TRRAP: variants seen among roughly 807,000 people sequenced by gnomAD.
TRRAP encodes transformation/transcription domain-associated protein.
In TRRAP, 41 loss-of-function variants were observed where a neutral mutation model predicts 438.8. The ratio of observed to expected loss-of-function variants is 0.09; its 90% CI spans 0.07 to 0.12. TRRAP has a LOEUF of 0.12. TRRAP is among the 10% of genes least tolerant of loss of function. TRRAP has a pLI of 1.00. For missense variants in TRRAP, 3,122 were observed against 5,055.1 expected, an observed-to-expected ratio of 0.62 and a Z score of 11.60; for synonymous variants, 1,994 against 1,962.9, an observed-to-expected ratio of 1.02 and a Z score of -0.42.
At chr7:98,909,981 C>A (rs1796991504) in intron 14 of TRRAP, 75 bp from the exon 15 acceptor site, 5 of 1,488,222 alleles carry the variant, frequency 3.4e-6, no homozygotes, top group Non-Finnish European at 4.5e-6. Flanking sequence ...TCTTATTTTA[C>A]TGTGATCTGA....
rs558219914 is a variant in TRRAP at position 98,909,925 on chromosome 7, A to G, written c.1351-131A>G. The stretch of plus-strand genomic sequence containing the variant: ...AAAAACTGCAATTCCTTTGACACCA[A>G]CCTCATAGAAAAGCAGCATGACTTG... On this transcript the variant is annotated intron_variant, in intron 14 of 72. Transcript: ENST00000456197. 2.3e-4 allele frequency: 335 copies of G among 1,433,808 alleles called. 1 individual carries two copies. In the African/African-American group the frequency reaches 4.2e-3, roughly 18 times the overall value. The allele number at this position is 1,433,808 out of a possible 1,614,324, so 88.8% of individuals were successfully genotyped here.
intron 41 of TRRAP, among the ~76,000 whole-genome samples, chr7:98,955,795 T>C (rs782266297): frequency 1.6e-4 from 25 of 152,200 alleles, no homozygotes; most frequent in Admixed American, 8.5e-4. Context: ...GAACTTTGCT[T>C]TTGGGTATGT....
rs1329928185 is a variant in TRRAP, at chr7:99,011,527, A to G, written c.11329A>G (p.Asn3777Asp). Residue 3777 changes from asparagine (N) to aspartate (D), a missense_variant, in exon 72 of 73, where the codon AAC (asparagine) becomes GAC (aspartate). Physicochemically the swap from Asn to Asp is conservative, Grantham distance 23. Coordinates refer to ENST00000456197, the MANE Select transcript of TRRAP (RefSeq NM_001375524.1). The surrounding 1 kb of genome is among the most constrained non-coding windows in gnomAD (Gnocchi z 7.1). Reference protein sequence around the residue: ...IAVARCFAQPNFKVDGILKTV... With the variant: ...IAVARCFAQPDFKVDGILKTV... Reference sequence around the variant, plus strand: ...GGTCGCCCGGTGCTTCGCCCAGCCAAACTTTAAGGTGGGTCTCCACGTCGT... The same window carrying G: ...GGTCGCCCGGTGCTTCGCCCAGCCAGACTTTAAGGTGGGTCTCCACGTCGT... The G allele has an allele frequency of 1.2e-6, 2 of 1,613,664 alleles. No homozygotes were observed. Among genetic ancestry groups the G allele is most frequent in the African/African-American group, 1.3e-5 (1 of 75,006 alleles).
In TRRAP at chr7:98,930,879, G is replaced by A. The variant is rs1790294393; in HGVS notation, c.3591+49G>A. On this transcript the variant is annotated intron_variant, in intron 25 of 72. Transcript: ENST00000456197. ...CTAACCATGCTGTTTTTGAAATGGT[G>A]GTTTCCTGAAGAATACTATAAGATC... 1.3e-5 allele frequency: 21 copies of A among 1,608,450 alleles called. No homozygotes were observed. The East Asian group carries it at 4.5e-4, about 34-fold the overall frequency.
At chr7:98,979,010 AG>A in intron 58 of TRRAP, 106 bp downstream of exon 58, 1 of 1,450,904 alleles carries the variant, frequency 6.9e-7, no homozygotes, top group Middle Eastern at 2.4e-4. Flanking sequence ...GGCAGTGGAA[AG>A]ACAGCTTTTG....
At chr7:99,009,251 C>G (rs1794326684) in intron 70 of TRRAP, among the ~76,000 whole-genome samples, 1 of 152,116 alleles carries the variant, frequency 6.6e-6, no homozygotes, top group Admixed American at 6.5e-5. Context: ...GTTTTGGCCT[C>G]TCCCTGGGTG....
chr7:98,992,369 C>G (rs967235798), intron 65 of TRRAP, 142 bp downstream of exon 65: 1 of 791,610 alleles, frequency 1.3e-6, no homozygotes. Context: ...TGGGCAGCAC[C>G]GTAGGGCAGG....
Position 99,012,229 on chromosome 7 carries a change from C to T in TRRAP, c.11496C>T (p.Ile3832=). 6.2e-7 allele frequency: 1 copy of T among 1,614,130 alleles called. No homozygotes were observed. The highest frequency in any genetic ancestry group is 8.5e-7 in the Non-Finnish European group (1 of 1,179,980). Residue 3832 remains isoleucine (I), a synonymous_variant, in exon 73 of 73, where the codon ATC becomes ATT. Transcript: ENST00000456197. This position sits in a 1 kb window ranked among gnomAD's most constrained non-coding sequence, Gnocchi z 5.9. ...VSLVQKAVTA[I]MTRLHNLAQF... ...TGGTTCAGAAAGCCGTCACCGCCAT[C>T]ATGACCCGCCTGCACAACCTCGCCC... is the stretch of plus-strand genomic sequence containing the variant.
chr7:98,999,010 C>T (rs1793797256), intron 67 of TRRAP: 3 of 689,374 alleles, frequency 4.4e-6, no homozygotes, highest in African/African-American at 3.6e-5. Flanking sequence ...GCGGGGGCAG[C>T]ACACCACATC....
intron 51 of TRRAP, among the ~76,000 whole-genome samples, chr7:98,969,245 AGCCTCTCTCTGCCAGGTGACTGGCCCCCT>A (rs1466438587): frequency 5.9e-5 from 9 of 152,188 alleles, no homozygotes; most frequent in African/African-American, 7.2e-5. Flanking sequence ...TGGTCCCCAT[AGCCTCTCTCTGCCAGGTGACTGGCCCCCT>A]GCCTCTCTCT....
chr7:99,008,824 T>C (rs924295712), intron 70 of TRRAP, among the ~76,000 whole-genome samples: 9 of 152,216 alleles, frequency 5.9e-5, no homozygotes, highest in African/African-American at 2.2e-4. Context: ...GCCCTCTGCC[T>C]GTACTTACAA....
Position 98,976,514 on chromosome 7 carries a change from G to A in TRRAP, c.7991G>A (p.Cys2664Tyr). The A allele has an allele frequency of 6.2e-7, 1 of 1,612,362 alleles. No homozygotes were observed. Among genetic ancestry groups the A allele is most frequent in the Non-Finnish European group, 8.5e-7 (1 of 1,180,022 alleles). ...ALAGEISPFL[C>Y]SGSHQVQRDC... Reference sequence around the variant, plus strand: ...GCGGGTGAGATAAGTCCATTTCTGTGCAGCGGCAGTCACCAGGTGCAGCGG... The same window carrying A: ...GCGGGTGAGATAAGTCCATTTCTGTACAGCGGCAGTCACCAGGTGCAGCGG... The change falls in exon 55 of 73, where the codon TGC (cysteine) becomes TAC (tyrosine). Residue 2664 changes from cysteine (C) to tyrosine (Y), a missense_variant. By Grantham distance (194) the Cys-to-Tyr change is radical. Transcript: ENST00000456197. This position sits in a 1 kb window ranked among gnomAD's most constrained non-coding sequence, Gnocchi z 4.6.
rs373961174 is a variant in TRRAP at position 98,997,850 on chromosome 7, T to C, written c.10309+3002T>C. 1.5e-3 allele frequency among the ~76,000 whole-genome samples: 229 copies of C among 152,368 alleles called. 2 individuals carry two copies. Among genetic ancestry groups the C allele is most frequent in the African/African-American group, 5.3e-3 (219 of 41,586 alleles). On this transcript the variant is annotated intron_variant, in intron 67 of 72. Transcript: ENST00000456197. ...TTCCTGAGTCATTATCACTAAATTC[T>C]AGATTTGGCCTGAAACCAGTGGACC...
Position 98,984,289 on chromosome 7 carries a change from G to C in TRRAP, c.9219G>C (p.Gln3073His). Reference sequence around the variant, plus strand: ...CTGTTCCTATCGTGGATTGCTTCCAGAAGATTCGACAGCAAGTTAAATGCT... The same window carrying C: ...CTGTTCCTATCGTGGATTGCTTCCACAAGATTCGACAGCAAGTTAAATGCT... The part of the protein sequence containing the change: ...IPTVPIVDCF[Q>H]KIRQQVKCYL... The change falls in exon 61 of 73, where the codon CAG (glutamine) becomes CAC (histidine). Residue 3073 changes from glutamine (Q) to histidine (H), a missense_variant. Gln to His is a conservative substitution (Grantham distance 24). Around this residue, in one of 24 missense-constraint regions of TRRAP, gnomAD observed 129 missense variants for 279.2 expected, o/e 0.46. Coordinates refer to ENST00000456197, the MANE Select transcript of TRRAP (RefSeq NM_001375524.1). 1 of 1,609,350 alleles carries C rather than the reference G, an allele frequency of 6.2e-7. No individual in the cohort carries two copies. Among genetic ancestry groups the C allele is most frequent in the Non-Finnish European group, 8.5e-7 (1 of 1,177,510 alleles).
rs1554404638 is a variant in TRRAP at position 98,890,416 on chromosome 7, G to T, written c.232G>T (p.Val78Phe). The change falls in exon 4 of 73, where the codon GTT (valine) becomes TTT (phenylalanine). Residue 78 changes from valine to phenylalanine, a missense_variant. By Grantham distance (50) the Val-to-Phe change is conservative (BLOSUM62 -1). Coordinates refer to ENST00000456197, the MANE Select transcript of TRRAP (RefSeq NM_001375524.1). ...RFLTFLQDGE[V>F]QFLQEKPAQQ... is the part of the protein sequence containing the mutation. ...CCTTACATTTCTCCAAGATGGAGAAGTTCAGTTTCTTCAGGAGAAACCAGC... is the reference window on the plus strand; with the variant it reads ...CCTTACATTTCTCCAAGATGGAGAATTTCAGTTTCTTCAGGAGAAACCAGC... The T allele has an allele frequency of 1.2e-6, 2 of 1,603,624 alleles. No individual in the cohort carries two copies. The highest frequency in any genetic ancestry group is 1.3e-5 in the African/African-American group (1 of 74,416).
At chr7:98,932,515 AT>A (rs1217967007) in intron 26 of TRRAP, among the ~76,000 whole-genome samples, 3 of 150,828 alleles carry the variant, frequency 2.0e-5, no homozygotes, top group Non-Finnish European at 3.0e-5. Flanking sequence ...TTTTCCAGCT[AT>A]TTTTTTTTAT....
At position 98,981,940 on chromosome 7, in the gene TRRAP, G is replaced by A. The variant is rs149883592; in HGVS notation, c.8806G>A (p.Val2936Met). ...WRRLPHVVSH[V>M]HTPLLQAAQQ... is the part of the protein sequence containing the mutation. Reference sequence around the variant, plus strand: ...GCGGCTGCCCCACGTAGTGTCCCACGTGCACACGCCTCTCCTACAGGTGCG... The same window carrying A: ...GCGGCTGCCCCACGTAGTGTCCCACATGCACACGCCTCTCCTACAGGTGCG... Residue 2936 changes from valine to methionine, a missense_variant, in exon 59 of 73, where the codon GTG becomes ATG. Around this residue, in one of 24 missense-constraint regions of TRRAP, gnomAD observed 992 missense variants for 1,281.2 expected, o/e 0.77. Transcript: ENST00000456197. 273 of 1,602,466 alleles carry A rather than the reference G, an allele frequency of 1.7e-4. No individual in the cohort carries two copies. The highest frequency in any genetic ancestry group is 2.1e-4 in the Non-Finnish European group (250 of 1,176,058).
intron 30 of TRRAP, among the ~76,000 whole-genome samples, chr7:98,938,655 CT>C (rs1306739042): frequency 1.3e-5 from 2 of 152,292 alleles, no homozygotes; most frequent in African/African-American, 4.8e-5. Flanking sequence ...TGCAGAATAC[CT>C]CATGACATGA....
intron 21 of TRRAP, among the ~76,000 whole-genome samples, chr7:98,922,387 G>T (rs782803533): frequency 8.5e-5 from 13 of 152,118 alleles, no homozygotes; most frequent in Non-Finnish European, 1.3e-4. Context: ...TCTCTGTTAG[G>T]CCCTTTAGAG....
Sources: gnomAD v4.1 joint callset for allele counts (sites outside exome capture counted in the v4.1 genomes callset) on GRCh38, gnomAD v4.1.1 for gene constraint, gnomAD v4.1.1 regional missense constraint, Gnocchi (gnomAD v3.1) non-coding constraint, MANE v1.5 for transcripts, NCBI Gene and HGNC (gene_info 2026-07-23, HGNC 2026-07-21) for gene names.